Variants in FGF12 observed in about 807,000 individuals in gnomAD.
FGF12 encodes fibroblast growth factor 12, also known as fibroblast growth factor 12B.
FGF12 carries 14 observed loss-of-function variants against 23.6 expected under a neutral mutation model. That is an observed-to-expected ratio of 0.59 (90% CI 0.39 to 0.93). The LOEUF (loss-of-function observed/expected upper bound fraction) is 0.93. FGF12 is among the 40% of genes least tolerant of loss of function. The pLI, the probability that FGF12 is intolerant of heterozygous loss-of-function variation, is 0.00. For missense variants in FGF12, 175 were observed against 217.8 expected (o/e 0.80, Z 1.24); for synonymous variants, 62 against 77.3 (o/e 0.80, Z 1.04).
intron 2 of FGF12, among the ~76,000 whole-genome samples, chr3:192,596,958 G>A (rs1300477315): frequency 6.6e-6 from 1 of 152,124 alleles, no homozygotes; most frequent in African/African-American, 2.4e-5. Flanking sequence ...TCTTCATTCT[G>A]TCATTGACCA....
intron 2 of FGF12, among the ~76,000 whole-genome samples, chr3:192,567,053 TC>T (rs1321983616): frequency 2.0e-5 from 3 of 152,196 alleles, no homozygotes; most frequent in Non-Finnish European, 4.4e-5. Flanking sequence ...ACAGATACTT[TC>T]TCTCGTCTAC....
intron 2 of FGF12, among the ~76,000 whole-genome samples, chr3:192,718,161 C>CTTTTTTTTTTTTTTTTTTTTTTT (rs71177369): frequency 1.3e-5 from 1 of 77,970 alleles, no homozygotes; most frequent in African/African-American, 4.9e-5. Flanking sequence ...GTTAGTCTTT[C>CTTTTTTTTTTTTTTTTTTTTTTT]TTTTTTTTTT....
At chr3:192,482,356 G>A (rs746300924) in intron 2 of FGF12, among the ~76,000 whole-genome samples, 50 of 152,222 alleles carry the variant, frequency 3.3e-4, no homozygotes, top group East Asian at 1.7e-3. Flanking sequence ...AGTATGAGCC[G>A]GACGTGGTGG....
intron 2 of FGF12, among the ~76,000 whole-genome samples, chr3:192,625,118 T>C (rs539758548): frequency 6.6e-6 from 1 of 152,262 alleles, no homozygotes; most frequent in East Asian, 1.9e-4. Flanking sequence ...TTTGCTTTTA[T>C]AGATGATTCT....
intron 2 of FGF12, among the ~76,000 whole-genome samples, chr3:192,596,059 C>G (rs1713828388): frequency 7.6e-6 from 1 of 131,528 alleles, no homozygotes; most frequent in African/African-American, 3.1e-5. Flanking sequence ...TACCACTGTA[C>G]TCCAGCCTGG....
At chr3:192,344,221 G>A (rs935680568) in intron 3 of FGF12, among the ~76,000 whole-genome samples, 8 of 152,104 alleles carry the variant, frequency 5.3e-5, no homozygotes, top group Non-Finnish European at 1.0e-4. Context: ...AGGATACAAA[G>A]CATCACTATC....
At chr3:192,155,744 A>T (rs1466184708) in intron 5 of FGF12, among the ~76,000 whole-genome samples, 3 of 152,230 alleles carry the variant, frequency 2.0e-5, no homozygotes, top group African/African-American at 4.8e-5. Context: ...ATCACATACT[A>T]TTAAGCATTT....
chr3:192,244,845 GC>G (rs1719802089), intron 4 of FGF12: 2 of 152,150 alleles, frequency 1.3e-5, no homozygotes, highest in Non-Finnish European at 1.5e-5. Context: ...TATTAATGCA[GC>G]TTTACCTTAC....
chr3:192,419,642 C>A (rs1283130814), intron 2 of FGF12, among the ~76,000 whole-genome samples: 1 of 152,068 alleles, frequency 6.6e-6, no homozygotes, highest in Non-Finnish European at 1.5e-5. Context: ...GAATCAAAAT[C>A]ATTATAGGCT....
intron 4 of FGF12, among the ~76,000 whole-genome samples, chr3:192,241,821 C>T (rs1577270247): frequency 6.6e-6 from 1 of 152,086 alleles, no homozygotes; most frequent in South Asian, 2.1e-4. Context: ...GCAAAAATTT[C>T]TTTAAGGAAT....
intron 4 of FGF12, among the ~76,000 whole-genome samples, chr3:192,324,053 C>T (rs557935888): frequency 1.3e-5 from 2 of 152,196 alleles, no homozygotes; most frequent in East Asian, 1.9e-4. Flanking sequence ...GATCAAGCCA[C>T]CGCATGCCAG....
At chr3:192,591,556 C>T (rs893965572) in intron 2 of FGF12, among the ~76,000 whole-genome samples, 1 of 151,840 alleles carries the variant, frequency 6.6e-6, no homozygotes, top group Non-Finnish European at 1.5e-5. Context: ...GGCCAAGGCC[C>T]ATCAAGCCCT....
chr3:192,388,821 T>C (rs1237026376), intron 2 of FGF12, among the ~76,000 whole-genome samples: 1 of 151,658 alleles, frequency 6.6e-6, no homozygotes, highest in African/African-American at 2.4e-5. Context: ...ATATTCAATT[T>C]TAAAAAAAAA....
At position 192,397,063 on chromosome 3, in the gene FGF12, A is replaced by G. The variant is rs200977724; in HGVS notation, c.14-36525T>C. ...TGGTAACCCAGAAAATGCACTCGGG[A>G]ACATTTCAAAGAAGGGAGTTTTGTG... On this transcript the variant is annotated intron_variant, in intron 2 of 5. Transcript: ENST00000445105. Among the ~76,000 whole-genome samples, 4 of 152,354 alleles carry G rather than the reference A, an allele frequency of 2.6e-5. No individual in the cohort carries two copies. In the East Asian group the frequency reaches 7.7e-4, roughly 29 times the overall value.
At chr3:192,312,141 G>GA (rs141634661) in intron 4 of FGF12, among the ~76,000 whole-genome samples, 5,698 of 152,092 alleles carry the variant, frequency 0.037, 346 homozygotes, top group African/African-American at 0.13. Context: ...TGTGTCCTTT[G>GA]AAGCACAAAA....
At chr3:192,308,902 T>C (rs946090825) in intron 4 of FGF12, among the ~76,000 whole-genome samples, 1 of 152,092 alleles carries the variant, frequency 6.6e-6, no homozygotes, top group African/African-American at 2.4e-5. Context: ...CATTGAAAAA[T>C]TAGTTCAAGG....
chr3:192,358,776 A>G (rs1044214190), intron 3 of FGF12, among the ~76,000 whole-genome samples: 10 of 152,210 alleles, frequency 6.6e-5, no homozygotes, highest in African/African-American at 1.9e-4. Flanking sequence ...GAATATGGCT[A>G]ATCGTCTTAC....
intron 4 of FGF12, chr3:192,268,692 G>C (rs1713235549): frequency 2.2e-6 from 1 of 449,116 alleles, no homozygotes. Context: ...GCTTCCTGAG[G>C]CTTCCCTAGA....
chr3:192,251,124 A>G (rs966823822), intron 4 of FGF12, among the ~76,000 whole-genome samples: 1 of 152,166 alleles, frequency 6.6e-6, no homozygotes, highest in African/African-American at 2.4e-5. Context: ...TTGTCACTCT[A>G]TGGAAACTCT....
Sources: gnomAD v4.1 joint callset for allele counts (sites outside exome capture counted in the v4.1 genomes callset) on GRCh38, gnomAD v4.1.1 for gene constraint, MANE v1.5 for transcripts, NCBI Gene and HGNC (gene_info 2026-07-23, HGNC 2026-07-21) for gene names.